Variants in GLI3 observed in about 807,000 individuals in gnomAD.
The protein encoded by GLI3 is transcription activator GLI3.
A neutral mutation model predicts 100.8 loss-of-function variants in GLI3; 20 were observed. The observed-to-expected ratio is 0.20, with a 90% CI of 0.14 to 0.29. The LOEUF is 0.29. GLI3 is among the 10% of genes least tolerant of loss of function. The probability of loss-of-function intolerance (pLI) is 1.00; values close to 1 mark genes in which losing one functional copy is unlikely to be tolerated. For synonymous variants in GLI3, 938 were observed against 860.5 expected, an observed-to-expected ratio of 1.09 and a Z score of -1.58; for missense variants, 2,040 against 2,128.5, an observed-to-expected ratio of 0.96 and a Z score of 0.82.
chr7:42,261,680 A>T (rs1789141584), intron 1 of GLI3, among the ~76,000 whole-genome samples: 2 of 152,222 alleles, frequency 1.3e-5, no homozygotes, highest in Non-Finnish European at 2.9e-5. Flanking sequence ...TAGTTATACT[A>T]GGTCTTACTA....
intron 1 of GLI3, among the ~76,000 whole-genome samples, chr7:42,223,526 G>A (rs74760167): frequency 2.1e-4 from 32 of 152,152 alleles, no homozygotes; most frequent in African/African-American, 6.5e-4. Flanking sequence ...CCCATAACAT[G>A]GTACTTTTCC....
chr7:42,099,425 GC>G (rs111441925), intron 3 of GLI3, among the ~76,000 whole-genome samples: 34 of 151,938 alleles, frequency 2.2e-4, no homozygotes, highest in African/African-American at 7.7e-4. Flanking sequence ...TACTTAACAG[GC>G]TTTTTTCGTT....
intron 13 of GLI3, among the ~76,000 whole-genome samples, chr7:41,968,667 CAAGA>C (rs1233386146): frequency 7.3e-5 from 9 of 123,742 alleles, no homozygotes; most frequent in African/African-American, 2.8e-4. Context: ...TGTGCTATAC[CAAGA>C]AAGAAAGAAA....
At chr7:42,249,375 A>G (rs918240070) in intron 1 of GLI3, among the ~76,000 whole-genome samples, 7 of 152,096 alleles carry the variant, frequency 4.6e-5, no homozygotes, top group Non-Finnish European at 8.8e-5. Flanking sequence ...GTTATTCCTT[A>G]TCTGATTTTT....
At chr7:41,968,768 G>GAAAT (rs1213866383) in intron 13 of GLI3, among the ~76,000 whole-genome samples, 1 of 112,558 alleles carries the variant, frequency 8.9e-6, no homozygotes, top group Non-Finnish European at 1.9e-5. Context: ...AAGAAGGAAA[G>GAAAT]AAAGAAAGAA....
intron 2 of GLI3, among the ~76,000 whole-genome samples, chr7:42,154,260 C>A (rs1044261660): frequency 1.9e-4 from 29 of 152,142 alleles, no homozygotes; most frequent in Non-Finnish European, 7.3e-5. Context: ...AGGACCCGCA[C>A]AGGTGCAATC....
intron 10 of GLI3, among the ~76,000 whole-genome samples, chr7:42,000,917 AG>A (rs1447038548): frequency 2.6e-5 from 4 of 152,132 alleles, no homozygotes; most frequent in African/African-American, 9.7e-5. Context: ...TATAAGACCT[AG>A]GTATATTTGG....
At chr7:42,179,280 CTTCT>C (rs771440379) in intron 2 of GLI3, among the ~76,000 whole-genome samples, 1 of 152,130 alleles carries the variant, frequency 6.6e-6, no homozygotes, top group Non-Finnish European at 1.5e-5. Flanking sequence ...GTCCAATAAA[CTTCT>C]TTCTTTTGTA....
chr7:42,201,580 G>A (rs533225157), intron 2 of GLI3, among the ~76,000 whole-genome samples: 10 of 152,136 alleles, frequency 6.6e-5, no homozygotes, highest in East Asian at 1.9e-4. Context: ...GAAATGTGTC[G>A]TTAGGCAATT....
At chr7:41,988,070 T>C (rs1187917054) in intron 10 of GLI3, among the ~76,000 whole-genome samples, 1 of 152,234 alleles carries the variant, frequency 6.6e-6, no homozygotes, top group Non-Finnish European at 1.5e-5. Flanking sequence ...GGAAACATCC[T>C]CATTCTTCAA....
chr7:42,083,055 A>G (rs846296), intron 3 of GLI3, among the ~76,000 whole-genome samples: 96,928 of 151,582 alleles, frequency 0.64, 31,790 homozygotes, highest in African/African-American at 0.78. Context: ...CAATCCAATT[A>G]TACTCTCTTC....
intron 3 of GLI3, among the ~76,000 whole-genome samples, chr7:42,084,564 A>T (rs977276280): frequency 6.6e-6 from 1 of 152,206 alleles, no homozygotes; most frequent in Non-Finnish European, 1.5e-5. Context: ...TGCATCCAAC[A>T]TTTTTGTTGT....
chr7:42,084,901 C>CTTTTATTTTTT (rs1785069737), intron 3 of GLI3, among the ~76,000 whole-genome samples: 1 of 47,502 alleles, frequency 2.1e-5, no homozygotes, highest in Non-Finnish European at 3.5e-5. Context: ...CATTTGGATT[C>CTTTTATTTTTT]TTTTTTTTTT....
At chr7:42,196,980 C>T (rs1196008970) in intron 2 of GLI3, among the ~76,000 whole-genome samples, 1 of 152,194 alleles carries the variant, frequency 6.6e-6, no homozygotes, top group African/African-American at 2.4e-5. Context: ...ATTTCTATTA[C>T]TCCTGATGGC....
intron 2 of GLI3, among the ~76,000 whole-genome samples, chr7:42,183,595 G>A (rs897161145): frequency 2.6e-5 from 4 of 152,108 alleles, no homozygotes; most frequent in Admixed American, 2.0e-4. Flanking sequence ...TTTCTTTCCA[G>A]GTCACTGAAG....
chr7:41,965,470 C>T lies in GLI3; in HGVS notation c.3603G>A (p.Pro1201=), dbSNP rs1389633991. The T allele has an allele frequency of 1.9e-6, 3 of 1,608,990 alleles. No homozygotes were observed. Among genetic ancestry groups the T allele is most frequent in the Middle Eastern group, 1.7e-4 (1 of 6,056 alleles). ...CAGGCCCGCTCCTCAAGGGGTTCTGCGGGTGGACGACCATGCCGTTGCAGA... is the reference window on the plus strand; with the variant it reads ...CAGGCCCGCTCCTCAAGGGGTTCTGTGGGTGGACGACCATGCCGTTGCAGA... ...FGFCNGMVVH[P]QNPLRSGPAG... is the part of the protein sequence containing the mutation. Residue 1201 remains proline, a synonymous_variant, in exon 15 of 15, where the codon CCG becomes CCA. Transcript: ENST00000395925.
At chr7:41,983,887 G>C (rs1452280507) in intron 10 of GLI3, among the ~76,000 whole-genome samples, 1 of 152,188 alleles carries the variant, frequency 6.6e-6, no homozygotes, top group Non-Finnish European at 1.5e-5. Context: ...GACTGAGGAA[G>C]TGAACACCTC....
Position 42,053,075 on chromosome 7 carries a change from A to T in GLI3, c.474-4379T>A, listed in dbSNP as rs145044769. Among the ~76,000 whole-genome samples, 319 of 152,144 alleles carry T rather than the reference A, an allele frequency of 2.1e-3. 1 individual carries two copies. Among genetic ancestry groups the T allele is most frequent in the African/African-American group, 7.3e-3 (303 of 41,514 alleles). On this transcript the variant is annotated intron_variant, in intron 4 of 14. Transcript: ENST00000395925. ...AGTGGCGCAATCTCGGCTCACTGCA[A>T]CCTCCGCCCTCCAGGGTTCAAGCGA...
At chr7:42,150,203 A>G (rs1786821128) in intron 2 of GLI3, 1 of 152,240 alleles carries the variant, frequency 6.6e-6, no homozygotes, top group Admixed American at 6.5e-5. Context: ...AAAAACAAAA[A>G]CAAAAAAAAT....
Sources: allele counts gnomAD v4.1 joint callset (sites outside exome capture counted in the v4.1 genomes callset), GRCh38; gene constraint gnomAD v4.1.1; transcripts MANE v1.5; gene names NCBI Gene and HGNC (gene_info 2026-07-23, HGNC 2026-07-21).